Variants in TTC34 observed in about 807,000 individuals in gnomAD.
The protein encoded by TTC34 is tetratricopeptide repeat protein 34.
In TTC34, 44 loss-of-function variants were observed where a neutral mutation model predicts 40.7. The ratio of observed to expected loss-of-function variants is 1.08; its 90% CI spans 0.85 to 1.39. TTC34 has a LOEUF of 1.39. Among genes scored for constraint, TTC34 ranks in the 40% most tolerant of loss-of-function variants. TTC34 has a pLI of 0.00. For missense variants in TTC34, 884 were observed against 838.0 expected (o/e 1.05, Z -0.68); for synonymous variants, 422 against 398.6 (o/e 1.06, Z -0.70).
At chr1:2,683,622 A>C (rs1252484334) in intron 6 of TTC34, among the ~76,000 whole-genome samples, 1 of 144,916 alleles carries the variant, frequency 6.9e-6, no homozygotes, top group Admixed American at 6.8e-5. Context: ...ATCCTTCAGC[A>C]GCACCCACAC....
chr1:2,655,088 C>A (rs1314005213), intron 6 of TTC34, among the ~76,000 whole-genome samples: 1 of 151,832 alleles, frequency 6.6e-6, no homozygotes, highest in East Asian at 1.9e-4. Flanking sequence ...GGAGCAGCAA[C>A]CACACCCCCA....
At chr1:2,651,762 C>A (rs1639140980) in intron 6 of TTC34, among the ~76,000 whole-genome samples, 1 of 151,864 alleles carries the variant, frequency 6.6e-6, no homozygotes, top group Non-Finnish European at 1.5e-5. Flanking sequence ...CAGCACCCTC[C>A]ACCCTCAGAT....
chr1:2,695,232 G>A (rs371444514), intron 6 of TTC34, among the ~76,000 whole-genome samples: 15 of 55,644 alleles, frequency 2.7e-4, no homozygotes, highest in Admixed American at 5.6e-4. Context: ...ATAGGTCCCT[G>A]CACCCCCAGG....
At chr1:2,767,415 T>A (rs1641801220) in intron 6 of TTC34, among the ~76,000 whole-genome samples, 1 of 143,114 alleles carries the variant, frequency 7.0e-6, no homozygotes, top group African/African-American at 2.6e-5. Flanking sequence ...CAGGTGAGCA[T>A]CTGACCGCAT....
rs570248386 is a variant in TTC34, at chr1:2,648,355, T to C, written c.2227-2792A>G. On this transcript the variant is annotated intron_variant, in intron 6 of 8. Coordinates refer to ENST00000401095, the Ensembl canonical transcript of TTC34. The stretch of plus-strand genomic sequence containing the variant: ...CCCTGCCAGGCTTTATCTTGTACTT[T>C]GCTAGGGGAGGATTCGTTTTTGAAC... Among the ~76,000 whole-genome samples, 135 of 152,334 alleles carry C rather than the reference T, an allele frequency of 8.9e-4. 3 individuals carry two copies. The South Asian group carries it at 0.027, about 31-fold the overall frequency.
At chr1:2,641,337 G>A (rs913039908) in exon 9 of TTC34, 37 of 1,459,518 alleles carry the variant, frequency 2.5e-5, no homozygotes, top group Admixed American at 4.9e-5. Flanking sequence ...GGGTGGCCCC[G>A]TGATTAGGGC....
chr1:2,752,324 C>G (rs1289315411), intron 6 of TTC34, among the ~76,000 whole-genome samples: 1 of 123,680 alleles, frequency 8.1e-6, no homozygotes, highest in Non-Finnish European at 1.7e-5. Flanking sequence ...TGGAACAGCA[C>G]GCACACCCCC....
At chr1:2,646,035 G>A (rs769241829) in intron 6 of TTC34, among the ~76,000 whole-genome samples, 2 of 152,102 alleles carry the variant, frequency 1.3e-5, no homozygotes, top group African/African-American at 2.4e-5. Context: ...TGGGGACGCC[G>A]GAAGGGTAGA....
At chr1:2,641,953 C>G in intron 8 of TTC34, 58 bp from the exon 9 acceptor site, 1 of 1,426,606 alleles carries the variant, frequency 7.0e-7, no homozygotes, top group South Asian at 1.5e-5. Context: ...AAAGCCCGGC[C>G]GCCCCTGCCC....
chr1:2,637,681 TGA>T (rs1174123427), exon 9 of TTC34: 1 of 152,162 alleles, frequency 6.6e-6, no homozygotes, highest in African/African-American at 2.4e-5. Context: ...GGGGGTCCCC[TGA>T]GTGTCCAGCA....
At chr1:2,750,773 G>C (rs1331205968) in intron 6 of TTC34, among the ~76,000 whole-genome samples, 2 of 49,152 alleles carry the variant, frequency 4.1e-5, no homozygotes, top group Non-Finnish European at 3.7e-5. Flanking sequence ...ATAAACACAG[G>C]TGAACATCGG....
At position 2,694,526 on chromosome 1, in the gene TTC34, G is replaced by A. The variant is rs563629796; in HGVS notation, c.2227-48963C>T. Among the ~76,000 whole-genome samples, 5 of 100,572 alleles carry A rather than the reference G, an allele frequency of 5.0e-5. No individual in the cohort carries two copies. In the East Asian group the frequency reaches 1.1e-3, roughly 23 times the overall value. The allele number at this position is 100,572 out of a possible 152,430, so 66.0% of individuals were successfully genotyped here. A position where few individuals can be genotyped will look rare whatever the true frequency, so the allele number is the denominator to read the frequency against. On this transcript the variant is annotated intron_variant, in intron 6 of 8. Coordinates refer to ENST00000401095, the Ensembl canonical transcript of TTC34. ...GACCCACACCCCCAGGTGAACATCC[G>A]ACATCGTGGAGTAGCACCCCACACC...
exon 3 of TTC34, chr1:2,789,891 G>T (rs1451778996): frequency 2.4e-6 from 1 of 413,646 alleles, no homozygotes; most frequent in Admixed American, 4.4e-5. Context: ...AGAGGTGCGC[G>T]GTCCCCTGCA....
rs1341536233 is a variant in TTC34, at chr1:2,750,069, G to T, written c.2226+33540C>A. Among the ~76,000 whole-genome samples the T allele has an allele frequency of 6.9e-5, 5 of 72,516 alleles. 1 individual carries two copies. The highest frequency in any genetic ancestry group is 1.4e-4 in the Non-Finnish European group (5 of 36,928). The allele number at this position is 72,516 out of a possible 152,430, so 47.6% of individuals were successfully genotyped here. ...CCCTCAGGTGAGCATCTGACAGCCT[G>T]GAGCAGCAGGCACACCCCCAGTGAG... is the stretch of plus-strand genomic sequence containing the variant. On this transcript the variant is annotated intron_variant, in intron 6 of 8. Transcript: ENST00000401095.
intron 6 of TTC34, among the ~76,000 whole-genome samples, chr1:2,698,656 C>A (rs6604996): frequency 1.3e-4 from 1 of 7,824 alleles, no homozygotes; most frequent in Non-Finnish European, 2.1e-4. Flanking sequence ...ACCGCCAGGC[C>A]AGCATCCGCC....
exon 9 of TTC34, chr1:2,641,837 C>T (rs1638913426): frequency 6.6e-7 from 1 of 1,525,780 alleles, no homozygotes; most frequent in Non-Finnish European, 8.8e-7. Flanking sequence ...CGAACAGTAG[C>T]CCAGCGCCTG....
chr1:2,657,409 C>A (rs539184773), intron 6 of TTC34, among the ~76,000 whole-genome samples: 1 of 91,456 alleles, frequency 1.1e-5, no homozygotes, highest in African/African-American at 3.4e-5. Context: ...CCTCCCGGAG[C>A]AGTACCAGTA....
chr1:2,785,942 G>A, exon 5 of TTC34: 2 of 1,527,000 alleles, frequency 1.3e-6, no homozygotes, highest in Non-Finnish European at 1.8e-6. Flanking sequence ...CCTTGAAGCA[G>A]CTGCCGGTCC....
chr1:2,767,740 A>C (rs574836222), intron 6 of TTC34, among the ~76,000 whole-genome samples: 1 of 129,492 alleles, frequency 7.7e-6, no homozygotes, highest in Non-Finnish European at 1.6e-5. Context: ...AGGTGAGAAT[A>C]TGACAGAATA....
Sources: gnomAD v4.1 joint callset for allele counts (sites outside exome capture counted in the v4.1 genomes callset) on GRCh38, gnomAD v4.1.1 for gene constraint, MANE v1.5 for transcripts, NCBI Gene and HGNC (gene_info 2026-07-23, HGNC 2026-07-21) for gene names.